Variants in NPAS3 observed in about 807,000 individuals in gnomAD.
The protein encoded by NPAS3 is neuronal PAS domain protein 3.
In NPAS3, 14 loss-of-function variants were observed where a neutral mutation model predicts 73.1. The observed-to-expected ratio is 0.19, with a 90% CI of 0.13 to 0.30. The LOEUF is 0.30. Among genes scored for constraint, NPAS3 ranks in the 10% least tolerant of loss-of-function variants. The pLI, the probability that NPAS3 is intolerant of heterozygous loss-of-function variation, is 1.00. For synonymous variants in NPAS3, 620 were observed against 541.5 expected (o/e 1.14, Z -2.01); for missense variants, 1,096 against 1,250.0 (o/e 0.88, Z 1.86).
intron 2 of NPAS3, among the ~76,000 whole-genome samples, chr14:33,146,107 T>C (rs1266064948): frequency 6.6e-6 from 1 of 152,158 alleles, no homozygotes; most frequent in Non-Finnish European, 1.5e-5. Flanking sequence ...TCTCAAAAAA[T>C]AAGATGAAAT....
intron 2 of NPAS3, among the ~76,000 whole-genome samples, chr14:33,073,588 T>C (rs2041558454): frequency 6.6e-6 from 1 of 152,156 alleles, no homozygotes; most frequent in African/African-American, 2.4e-5. Flanking sequence ...AAGTTGGAAC[T>C]TAAAGCTGGC....
intron 5 of NPAS3, among the ~76,000 whole-genome samples, chr14:33,575,626 G>T (rs1318195932): frequency 2.0e-5 from 3 of 152,102 alleles, no homozygotes; most frequent in Non-Finnish European, 4.4e-5. Flanking sequence ...GTGAGCTCTT[G>T]GTAAGAGAAA....
chr14:32,937,432 C>T (rs912903327), upstream of NPAS3, among the ~76,000 whole-genome samples: 2 of 152,070 alleles, frequency 1.3e-5, no homozygotes, highest in African/African-American at 2.4e-5. Flanking sequence ...GCAGAAACCC[C>T]CTAGACTGGG....
chr14:32,984,025 T>C (rs2038003543), intron 1 of NPAS3, among the ~76,000 whole-genome samples: 1 of 152,130 alleles, frequency 6.6e-6, no homozygotes, highest in African/African-American at 2.4e-5. Context: ...CCCGGCCAAA[T>C]AGAATTATTA....
intron 6 of NPAS3, among the ~76,000 whole-genome samples, chr14:33,718,236 T>C (rs1455731252): frequency 6.6e-6 from 1 of 152,204 alleles, no homozygotes; most frequent in East Asian, 1.9e-4. Flanking sequence ...TGTCACTTTG[T>C]CTGTGTAATT....
rs186101741 is a variant in NPAS3 at position 33,343,168 on chromosome 14, C to G, written c.386-24018C>G. 8.5e-5 allele frequency among the ~76,000 whole-genome samples: 13 copies of G among 152,304 alleles called. No individual in the cohort carries two copies. In the East Asian group the frequency reaches 2.5e-3, roughly 29 times the overall value. On this transcript the variant is annotated intron_variant, in intron 3 of 11. Transcript: ENST00000356141. The stretch of plus-strand genomic sequence containing the variant: ...CTCTTGCTCAGTAATTGAATCCACA[C>G]ATCCCTAGGATGTGTTTTGTGGGGT...
chr14:33,284,519 A>T (rs1236927787), intron 3 of NPAS3, among the ~76,000 whole-genome samples: 4 of 152,144 alleles, frequency 2.6e-5, no homozygotes, highest in Non-Finnish European at 5.9e-5. Context: ...CTATGTATAG[A>T]TGCTTGATTT....
intron 2 of NPAS3, among the ~76,000 whole-genome samples, chr14:33,091,584 C>T (rs1308453368): frequency 1.3e-5 from 2 of 152,196 alleles, no homozygotes; most frequent in Non-Finnish European, 2.9e-5. Context: ...GGTACCATTC[C>T]TTCTGAAGCT....
At chr14:33,266,792 T>A (rs2040836077) in intron 3 of NPAS3, among the ~76,000 whole-genome samples, 2 of 152,194 alleles carry the variant, frequency 1.3e-5, no homozygotes, top group Non-Finnish European at 2.9e-5. Flanking sequence ...AATGGAATCT[T>A]GTATGGCTAG....
At position 33,374,463 on chromosome 14, in the gene NPAS3, T is replaced by C. The variant is rs549921492; in HGVS notation, c.468+7195T>C. ...TTGTTTTTAGACAAATGAGAACATA[T>C]AGGTTCTCTATCTACCAGAAGTTTT... On this transcript the variant is annotated intron_variant, in intron 4 of 11. Coordinates refer to ENST00000356141, the Ensembl canonical transcript of NPAS3. Among the ~76,000 whole-genome samples, 6 of 151,564 alleles carry C rather than the reference T, an allele frequency of 4.0e-5. No homozygotes were observed. In the South Asian group the frequency reaches 1.3e-3, roughly 32 times the overall value.
At chr14:33,552,692 C>A (rs2055174173) in intron 4 of NPAS3, among the ~76,000 whole-genome samples, 1 of 151,840 alleles carries the variant, frequency 6.6e-6, no homozygotes, top group African/African-American at 2.4e-5. Flanking sequence ...ATGCCAACAA[C>A]TTGAAAGACA....
chr14:33,738,608 A>C (rs2061581086), intron 7 of NPAS3, among the ~76,000 whole-genome samples: 2 of 152,164 alleles, frequency 1.3e-5, no homozygotes. Context: ...TTGCTGTTGC[A>C]GTGTCTGCCA....
At chr14:33,388,943 T>C (rs2046887749) in intron 4 of NPAS3, among the ~76,000 whole-genome samples, 1 of 152,186 alleles carries the variant, frequency 6.6e-6, no homozygotes, top group Non-Finnish European at 1.5e-5. Context: ...ATAACTTCAC[T>C]GCTATTTTCA....
chr14:33,143,491 C>CAA (rs951065915), intron 2 of NPAS3, among the ~76,000 whole-genome samples: 1 of 140,518 alleles, frequency 7.1e-6, no homozygotes, highest in African/African-American at 2.6e-5. Context: ...AACTCTGTCT[C>CAA]AAAAAAAAAA....
At chr14:33,093,224 A>G (rs759468147) in intron 2 of NPAS3, among the ~76,000 whole-genome samples, 1 of 152,234 alleles carries the variant, frequency 6.6e-6, no homozygotes, top group Non-Finnish European at 1.5e-5. Context: ...TACTCATCTG[A>G]CAAAGGGCTA....
chr14:33,643,392 A>C (rs2058731864), intron 5 of NPAS3, among the ~76,000 whole-genome samples: 1 of 147,122 alleles, frequency 6.8e-6, no homozygotes, highest in African/African-American at 2.5e-5. Context: ...AAAAAAAAAA[A>C]AAAAAACGAG....
chr14:32,955,233 A>T (rs985656084), intron 1 of NPAS3, among the ~76,000 whole-genome samples: 1 of 152,088 alleles, frequency 6.6e-6, no homozygotes, highest in African/African-American at 2.4e-5. Flanking sequence ...CTCAAGGTCT[A>T]TCTCAATAGG....
intron 7 of NPAS3, among the ~76,000 whole-genome samples, chr14:33,739,044 G>A (rs575375891): frequency 1.3e-5 from 2 of 152,238 alleles, no homozygotes; most frequent in East Asian, 1.9e-4. Flanking sequence ...TGTCATTTCC[G>A]AAGTATTTAT....
intron 4 of NPAS3, among the ~76,000 whole-genome samples, chr14:33,414,963 A>G (rs908955226): frequency 5.3e-5 from 8 of 152,094 alleles, no homozygotes; most frequent in African/African-American, 1.7e-4. Context: ...CCAATCTCCA[A>G]TCATTAAGAC....
Sources: gnomAD v4.1 joint callset for allele counts (sites outside exome capture counted in the v4.1 genomes callset) on GRCh38, gnomAD v4.1.1 for gene constraint, MANE v1.5 for transcripts, NCBI Gene and HGNC (gene_info 2026-07-23, HGNC 2026-07-21) for gene names.